SPATA13: variants seen among roughly 807,000 people sequenced by gnomAD.
SPATA13 encodes the protein spermatogenesis-associated protein 13.
In SPATA13, 50 loss-of-function variants were observed where a neutral mutation model predicts 104.0. The ratio of observed to expected loss-of-function variants is 0.48; its 90% CI spans 0.38 to 0.61. The LOEUF is 0.61. SPATA13 is among the 20% of genes least tolerant of loss of function. The probability of loss-of-function intolerance (pLI) is 0.00; values close to 1 mark genes in which losing one functional copy is unlikely to be tolerated. For missense variants in SPATA13, 1,524 were observed against 1,690.6 expected (o/e 0.90, Z 1.73); for synonymous variants, 606 against 667.5 (o/e 0.91, Z 1.42).
intron 3 of SPATA13, among the ~76,000 whole-genome samples, chr13:24,060,705 AAATCC>A (rs1878742255): frequency 2.3e-5 from 1 of 43,740 alleles, no homozygotes; most frequent in Non-Finnish European, 7.6e-5. Flanking sequence ...TCTAATATCC[AAATCC>A]AGCATCTGTA....
chr13:24,210,271 A>G (rs1023187684), intron 1 of SPATA13, among the ~76,000 whole-genome samples: 1 of 152,084 alleles, frequency 6.6e-6, no homozygotes, highest in East Asian at 1.9e-4. Flanking sequence ...AAAGCCTTTT[A>G]GCTTGATACA....
intron 2 of SPATA13, among the ~76,000 whole-genome samples, chr13:23,994,084 G>C (rs1460628728): frequency 2.0e-5 from 3 of 151,304 alleles, no homozygotes; most frequent in Non-Finnish European, 2.9e-5. Flanking sequence ...GTTCTTGCCA[G>C]TGACGGATAT....
rs1222585456 is a variant in SPATA13 at position 24,292,736 on chromosome 13, G to A, written c.3080+1852G>A. Among the ~76,000 whole-genome samples, 8 of 152,026 alleles carry A rather than the reference G, an allele frequency of 5.3e-5. No individual in the cohort carries two copies. In the South Asian group the frequency reaches 6.2e-4, roughly 12 times the overall value. ...CTTCTGGCCGGGCGCCATGGCTCAC[G>A]TCTGTAATCCCACCATTTTGGGAGG... On this transcript the variant is annotated intron_variant, in intron 9 of 12. Transcript: ENST00000382108.
In SPATA13 at chr13:24,006,615, A is replaced by G. The variant is rs115124120; in HGVS notation, c.-146-11052A>G. 3.4e-3 allele frequency among the ~76,000 whole-genome samples: 523 copies of G among 152,194 alleles called. 2 individuals carry two copies. The highest frequency in any genetic ancestry group is 0.012 in the African/African-American group (506 of 41,524). On this transcript the variant is annotated intron_variant, in intron 2 of 14. Coordinates refer to the SPATA13 transcript ENST00000424834. ...TGCAGGTGTGGTTGACTGGACCCTA[A>G]CTCTGGGAGGTGCCGGCTGATTTGG...
At position 23,986,790 on chromosome 13, in the gene SPATA13, C is replaced by T. The variant is rs986248593; in HGVS notation, c.-147+2857C>T. Among the ~76,000 whole-genome samples, 3 of 152,098 alleles carry T rather than the reference C, an allele frequency of 2.0e-5. No homozygotes were observed. The East Asian group carries it at 5.8e-4, about 29-fold the overall frequency. On this transcript the variant is annotated intron_variant, in intron 2 of 14. Transcript: ENST00000424834. ...CGGGGCCATACAGCAGTCATTTGGC[C>T]ACAGGAATTTCAGTCACGTCAGGCT...
intron 2 of SPATA13, chr13:24,017,635 G>A (rs1876778927): frequency 1.0e-6 from 1 of 984,278 alleles, no homozygotes; most frequent in African/African-American, 1.7e-5. Context: ...ACACATCTGT[G>A]CACTAAAACA....
At chr13:23,996,963 A>G (rs1875725727) in intron 2 of SPATA13, among the ~76,000 whole-genome samples, 1 of 152,148 alleles carries the variant, frequency 6.6e-6, no homozygotes, top group East Asian at 1.9e-4. Context: ...TTCCCAACTT[A>G]TAAGCAGGAG....
intron 3 of SPATA13, among the ~76,000 whole-genome samples, chr13:24,153,991 G>A (rs1186811662): frequency 6.6e-6 from 1 of 152,164 alleles, no homozygotes; most frequent in Non-Finnish European, 1.5e-5. Context: ...ACTCTGAGCG[G>A]TGGGAACTAT....
In SPATA13 at chr13:24,117,056, C is replaced by T. The variant is rs534787196; in HGVS notation, c.-112+99355C>T. 2.2e-4 allele frequency among the ~76,000 whole-genome samples: 34 copies of T among 152,288 alleles called. No homozygotes were observed. In the East Asian group the frequency reaches 4.6e-3, roughly 21 times the overall value. ...AAGTTAATGTCTATTATTTAAGCCA[C>T]GCAGTCTATGGAATTTTGTTAGAGC... On this transcript the variant is annotated intron_variant, in intron 3 of 14. Transcript: ENST00000424834.
intron 2 of SPATA13, among the ~76,000 whole-genome samples, chr13:23,985,687 A>G (rs990784570): frequency 3.9e-5 from 6 of 152,216 alleles, no homozygotes; most frequent in African/African-American, 1.4e-4. Context: ...GTCTTTCTTC[A>G]TTATTGATAG....
chr13:24,270,798 A>T, intron 4 of SPATA13: 1 of 1,611,896 alleles, frequency 6.2e-7, no homozygotes. Flanking sequence ...ATGCTTGGGG[A>T]CCGGCTCCTC....
At chr13:24,073,204 C>T (rs1426519409) in intron 3 of SPATA13, among the ~76,000 whole-genome samples, 1 of 152,006 alleles carries the variant, frequency 6.6e-6, no homozygotes, top group African/African-American at 2.4e-5. Flanking sequence ...GGACATTTGT[C>T]AAGGTTTCAG....
chr13:24,277,170 C>T (rs561729302), intron 4 of SPATA13, among the ~76,000 whole-genome samples: 122 of 152,088 alleles, frequency 8.0e-4, no homozygotes, highest in Middle Eastern at 3.4e-3. Context: ...TTGGGCCGGG[C>T]GCGGTGGCTT....
At chr13:24,192,428 C>A (rs1170668604) in intron 1 of SPATA13, among the ~76,000 whole-genome samples, 7 of 152,072 alleles carry the variant, frequency 4.6e-5, no homozygotes, top group Admixed American at 4.6e-4. Context: ...CCTCCTGCCC[C>A]TTCAGTCTCT....
At chr13:23,994,904 T>C (rs1875605197) in intron 2 of SPATA13, among the ~76,000 whole-genome samples, 1 of 152,184 alleles carries the variant, frequency 6.6e-6, no homozygotes, top group Non-Finnish European at 1.5e-5. Flanking sequence ...ATGAAGCATT[T>C]GCTGTAAACA....
intron 2 of SPATA13, among the ~76,000 whole-genome samples, chr13:23,991,931 A>C (rs908577302): frequency 6.6e-6 from 1 of 152,220 alleles, no homozygotes; most frequent in Non-Finnish European, 1.5e-5. Flanking sequence ...AGCCACCCCA[A>C]ATGGGAAGAG....
intron 3 of SPATA13, among the ~76,000 whole-genome samples, chr13:24,020,692 G>A (rs370319037): frequency 1.3e-5 from 2 of 152,148 alleles, no homozygotes; most frequent in Non-Finnish European, 2.9e-5. Context: ...TAAATTCAAT[G>A]AATACTTTTT....
chr13:24,157,435 A>G (rs1002984511), upstream of SPATA13, among the ~76,000 whole-genome samples: 2 of 152,216 alleles, frequency 1.3e-5, no homozygotes, highest in Non-Finnish European at 2.9e-5. Flanking sequence ...AGTAGCTGGG[A>G]CTACAGGCGC....
chr13:24,261,212 G>C (rs1350998445), intron 4 of SPATA13, among the ~76,000 whole-genome samples: 5 of 152,218 alleles, frequency 3.3e-5, no homozygotes, highest in African/African-American at 1.2e-4. Flanking sequence ...GAAAATGATA[G>C]TGGCACTGGA....
Sources: allele counts gnomAD v4.1 joint callset (sites outside exome capture counted in the v4.1 genomes callset), GRCh38; gene constraint gnomAD v4.1.1; transcripts MANE v1.5; gene names NCBI Gene and HGNC (gene_info 2026-07-23, HGNC 2026-07-21).